ROBO3: variants seen among roughly 807,000 people sequenced by gnomAD.
ROBO3 encodes the protein roundabout guidance receptor 3, also known as roundabout homolog 3.
ROBO3 carries 97 observed loss-of-function variants against 160.5 expected under a neutral mutation model. That is an observed-to-expected ratio of 0.60 (90% CI 0.51 to 0.72). The LOEUF is 0.72. Among genes scored for constraint, ROBO3 ranks in the 30% least tolerant of loss-of-function variants. The pLI is 0.00. For synonymous variants in ROBO3, 780 were observed against 746.2 expected (o/e 1.05, Z -0.74); for missense variants, 1,858 against 1,846.5 (o/e 1.01, Z -0.11).
rs994997005 is a variant in ROBO3 at position 124,873,794 on chromosome 11, T to C, written c.1716T>C (p.Ile572=). 1 of 1,613,902 alleles carries C rather than the reference T, an allele frequency of 6.2e-7. No homozygotes were observed. The highest frequency in any genetic ancestry group is 8.5e-7 in the Non-Finnish European group (1 of 1,179,832). ...PVVTEITKNS[I]TLTWKPNPQT... is the part of the protein sequence containing the mutation. ...TCACTGAGATCACCAAGAACAGCAT[T>C]ACCCTGACCTGGAAGCCCAACCCAC... Residue 572 remains isoleucine, a synonymous_variant, in exon 11 of 28, where the codon ATT becomes ATC. Coordinates refer to ENST00000397801, the MANE Select transcript of ROBO3 (RefSeq NM_022370.4). The surrounding 1 kb of genome is among the most constrained non-coding windows in gnomAD (Gnocchi z 4.5).
Position 124,872,924 on chromosome 11 carries a change from A to C in ROBO3, c.1371A>C (p.Pro457=). The change falls in exon 9 of 28, where the codon CCA becomes CCC. Residue 457 remains proline, a synonymous_variant. Coordinates refer to ENST00000397801, the MANE Select transcript of ROBO3 (RefSeq NM_022370.4). This position sits in a 1 kb window ranked among gnomAD's most constrained non-coding sequence, Gnocchi z 4.3. ...TGCCTCCTGTCATCCTCCAGGGACC[A>C]GCCAATCAGACGCTGGTGCTTGGCT... ...DGLPPVILQG[P]ANQTLVLGSS... is the part of the protein sequence containing the mutation. 1 of 1,611,870 alleles carries C rather than the reference A, an allele frequency of 6.2e-7. No homozygotes were observed. The highest frequency in any genetic ancestry group is 8.5e-7 in the Non-Finnish European group (1 of 1,179,390).
intron 19 of ROBO3, 54 bp downstream of exon 19, chr11:124,877,363 C>A: frequency 6.2e-7 from 1 of 1,608,678 alleles, no homozygotes; most frequent in Non-Finnish European, 8.5e-7. Flanking sequence ...GGCCACTCTT[C>A]TTCCGCCCCG....
In ROBO3 at chr11:124,872,556, C is replaced by G. The variant is rs917055126; in HGVS notation, c.1330+4C>G. The G allele has an allele frequency of 1.9e-6, 3 of 1,612,132 alleles. No individual in the cohort carries two copies. Among genetic ancestry groups the G allele is most frequent in the Admixed American group, 3.3e-5 (2 of 59,970 alleles). On this transcript the variant is annotated splice_donor_region_variant and intron_variant, in intron 8 of 27. Transcript: ENST00000397801. The surrounding 1 kb of genome is among the most constrained non-coding windows in gnomAD (Gnocchi z 4.3). ...GCCCTGCTGGAGATAAAAGGAGGTA[C>G]GTGCCCATGGAGATAGGACTGGATC...
At chr11:124,880,811 T>C (rs779333746) in intron 27 of ROBO3, among the ~76,000 whole-genome samples, 4 of 152,114 alleles carry the variant, frequency 2.6e-5, no homozygotes, top group Non-Finnish European at 5.9e-5. Flanking sequence ...CCCAGCACTT[T>C]GGGAGACCGA....
In ROBO3 at chr11:124,870,391, A is replaced by G. The variant is rs544342218; in HGVS notation, c.905+88A>G. The G allele has an allele frequency of 6.1e-4, 927 of 1,514,418 alleles. 18 individuals carry two copies. In the South Asian group the frequency reaches 0.011, roughly 17 times the overall value. 93.8% of individuals were successfully genotyped at this position (1,514,418 alleles called of 1,614,324 possible). On this transcript the variant is annotated intron_variant, in intron 5 of 27. Coordinates refer to ENST00000397801, the MANE Select transcript of ROBO3 (RefSeq NM_022370.4). ...AAAACCGGAAGACAGGCACATTCTC[A>G]CTTGAGAACACAGAGAAGTCTGTTC...
rs2135335197 is a variant in ROBO3, at chr11:124,876,095, G to A, written c.2563G>A (p.Val855Met). The change falls in exon 16 of 28, where the codon GTG becomes ATG. Residue 855 changes from valine (V) to methionine (M), a missense_variant. Val to Met is a conservative substitution (Grantham distance 21, BLOSUM62 1). Transcript: ENST00000397801. The surrounding 1 kb of genome is among the most constrained non-coding windows in gnomAD (Gnocchi z 5.3). The stretch of plus-strand genomic sequence containing the variant: ...GGCGGCCACCAGCGCAGGCGTGGGC[G>A]TGCCCAGTGCCCCAGTGCTGGTGCA... ...VAAATSAGVG[V>M]PSAPVLVQLP... The A allele has an allele frequency of 6.2e-7, 1 of 1,606,764 alleles. No homozygotes were observed. Among genetic ancestry groups the A allele is most frequent in the Non-Finnish European group, 8.5e-7 (1 of 1,179,182 alleles).
chr11:124,867,844 A>T (rs1228447175), intron 1 of ROBO3, among the ~76,000 whole-genome samples: 1 of 152,134 alleles, frequency 6.6e-6, no homozygotes, highest in Non-Finnish European at 1.5e-5. Context: ...TGGTTATTTT[A>T]CAGCAGGTTA....
In ROBO3 at chr11:124,874,810, G is replaced by A; in HGVS notation, c.1974G>A (p.Val658=). Residue 658 remains valine, a synonymous_variant, in exon 13 of 28, where the codon GTG becomes GTA. Transcript: ENST00000397801. ...RTQDSSPSRP[V]EDPWRGQQGL... ...CAGATAGCAGCCCCTCTAGGCCAGT[G>A]GAGGACCCATGGAGAGGCCAGCAGG... is the stretch of plus-strand genomic sequence containing the variant. The A allele has an allele frequency of 6.2e-7, 1 of 1,606,030 alleles. No homozygotes were observed. Among genetic ancestry groups the A allele is most frequent in the Non-Finnish European group, 8.5e-7 (1 of 1,176,394 alleles).
chr11:124,875,073 GC>G (rs1565312699), intron 13 of ROBO3, 37 bp from the exon 14 acceptor site: 9 of 1,550,704 alleles, frequency 5.8e-6, no homozygotes, highest in Middle Eastern at 2.0e-4. Flanking sequence ...TATGGCCCCA[GC>G]CTCCCCTTCT....
chr11:124,876,819 G>A lies in ROBO3; in HGVS notation c.2780-342G>A. 1.8e-6 allele frequency: 1 copy of A among 541,938 alleles called. No homozygotes were observed. The highest frequency in any genetic ancestry group is 3.1e-5 in the East Asian group (1 of 32,780). The allele number at this position is 541,938 out of a possible 1,614,324, so 33.6% of individuals were successfully genotyped here. The stretch of plus-strand genomic sequence containing the variant: ...GGGGGTGTGGCCAGGATCCCAGGCA[G>A]TAAATTGTGCGGCGGGGTCTGGATG... On this transcript the variant is annotated intron_variant, in intron 17 of 27. Coordinates refer to ENST00000397801, the MANE Select transcript of ROBO3 (RefSeq NM_022370.4). The surrounding 1 kb of genome is among the most constrained non-coding windows in gnomAD (Gnocchi z 5.3).
Position 124,869,221 on chromosome 11 carries a change from A to G in ROBO3, c.487+93A>G. The G allele has an allele frequency of 7.6e-7, 1 of 1,322,704 alleles. No homozygotes were observed. The highest frequency in any genetic ancestry group is 1.0e-6 in the Non-Finnish European group (1 of 957,800). 81.9% of individuals were successfully genotyped at this position (1,322,704 alleles called of 1,614,324 possible). On this transcript the variant is annotated intron_variant, in intron 2 of 27. Transcript: ENST00000397801. This position sits in a 1 kb window ranked among gnomAD's most constrained non-coding sequence, Gnocchi z 4.2. ...TCAGACCCAGAACCAGCCCCAAAGG[A>G]CTTCAGCCCACTCAGCATCCTTCTT...
chr11:124,878,884 G>A lies in ROBO3; in HGVS notation c.3533+88G>A. ...ACTGGGTGGGTGGATGGATGGATGG[G>A]TGGATGGATCTGGGGTACAGAGGTC... On this transcript the variant is annotated intron_variant, in intron 23 of 27. Transcript: ENST00000397801. The surrounding 1 kb of genome is among the most constrained non-coding windows in gnomAD (Gnocchi z 4.3). The A allele has an allele frequency of 8.6e-7, 1 of 1,160,384 alleles. No homozygotes were observed. The highest frequency in any genetic ancestry group is 1.2e-6 in the Non-Finnish European group (1 of 808,638). 71.9% of individuals were successfully genotyped at this position (1,160,384 alleles called of 1,614,324 possible).
chr11:124,879,381 C>A (rs1330250854), intron 24 of ROBO3, 40 bp downstream of exon 24: 2 of 1,607,152 alleles, frequency 1.2e-6, no homozygotes, highest in South Asian at 1.1e-5. Context: ...CGGCTCCCTC[C>A]AGTGCTTGCT....
chr11:124,873,391 G>A lies in ROBO3; in HGVS notation c.1618G>A (p.Glu540Lys). ...ATWSGWLKMR[E>K]DWGVSPDPPT... ...ATGGAGCGGCTGGCTTAAGATGCGG[G>A]GTGAGTTTTTTCTTTCTTCCCTTAT... Residue 540 changes from glutamate (E) to lysine (K), a missense_variant and splice_region_variant, in exon 10 of 28, where the codon GAA (glutamate) becomes AAA (lysine). Coordinates refer to ENST00000397801, the MANE Select transcript of ROBO3 (RefSeq NM_022370.4). The surrounding 1 kb of genome is among the most constrained non-coding windows in gnomAD (Gnocchi z 4.5). The A allele has an allele frequency of 3.7e-6, 6 of 1,610,426 alleles. No individual in the cohort carries two copies. Among genetic ancestry groups the A allele is most frequent in the Non-Finnish European group, 5.1e-6 (6 of 1,178,492 alleles).
At chr11:124,877,071 C>A (rs374753498) in intron 17 of ROBO3, 90 bp from the exon 18 acceptor site, 1 of 1,430,380 alleles carries the variant, frequency 7.0e-7, no homozygotes, top group Non-Finnish European at 9.9e-7. Flanking sequence ...GGAACTGGGA[C>A]CGGGGCCTAG....
At position 124,878,246 on chromosome 11, in the gene ROBO3, C is replaced by T. The variant is rs547563251; in HGVS notation, c.3182-52C>T. 1.3e-5 allele frequency: 21 copies of T among 1,601,768 alleles called. No individual in the cohort carries two copies. The highest frequency in any genetic ancestry group is 1.2e-4 in the African/African-American group (9 of 74,834). On this transcript the variant is annotated intron_variant, in intron 21 of 27. Transcript: ENST00000397801. The surrounding 1 kb of genome is among the most constrained non-coding windows in gnomAD (Gnocchi z 4.3). Reference sequence around the variant, plus strand: ...GGCACTTCCTTCTGACCTGTCTCATCTCTGGCTCTTTCCTGCCTGTTCTCC... The same window carrying T: ...GGCACTTCCTTCTGACCTGTCTCATTTCTGGCTCTTTCCTGCCTGTTCTCC...
At position 124,879,536 on chromosome 11, in the gene ROBO3, C is replaced by T. The variant is rs1263240917; in HGVS notation, c.3757C>T (p.Pro1253Ser). 3.1e-6 allele frequency: 5 copies of T among 1,613,640 alleles called. No homozygotes were observed. In the East Asian group the frequency reaches 1.1e-4, roughly 36 times the overall value. ...QGPRARFRKKPKALPYRRENS... is the reference protein window; with the variant it reads ...QGPRARFRKKSKALPYRRENS... ...ACCCCGTGCTCGATTCCGGAAGAAACCCAAGGCTCTTCCCTACAGGAGGGA... is the reference window on the plus strand; with the variant it reads ...ACCCCGTGCTCGATTCCGGAAGAAATCCAAGGCTCTTCCCTACAGGAGGGA... The change falls in exon 25 of 28, where the codon CCC becomes TCC. Residue 1253 changes from proline (P) to serine (S), a missense_variant. Physicochemically the swap from Pro to Ser is moderately conservative, Grantham distance 74. Transcript: ENST00000397801.
chr11:124,865,806 G>T lies in ROBO3; in HGVS notation c.160+69G>T. ...TGAGGTGAGAGGGCGGCGTGGAAGG[G>T]AAGGAGAAGCGCTCCTGTCCCGAGG... On this transcript the variant is annotated intron_variant, in intron 1 of 27. Transcript: ENST00000397801. This position sits in a 1 kb window ranked among gnomAD's most constrained non-coding sequence, Gnocchi z 5.5. 1 of 1,480,902 alleles carries T rather than the reference G, an allele frequency of 6.8e-7. No homozygotes were observed. Among genetic ancestry groups the T allele is most frequent in the Non-Finnish European group, 9.0e-7 (1 of 1,106,366 alleles). 91.7% of individuals were successfully genotyped at this position (1,480,902 alleles called of 1,614,324 possible). A position where few individuals can be genotyped will look rare whatever the true frequency, so the allele number is the denominator to read the frequency against.
Position 124,876,498 on chromosome 11 carries a change from G to C in ROBO3, c.2779+38G>C. 1 of 1,350,994 alleles carries C rather than the reference G, an allele frequency of 7.4e-7. No homozygotes were observed. Among genetic ancestry groups the C allele is most frequent in the Middle Eastern group, 2.0e-4 (1 of 4,882 alleles). The allele number at this position is 1,350,994 out of a possible 1,614,324, so 83.7% of individuals were successfully genotyped here. A position where few individuals can be genotyped will look rare whatever the true frequency, so the allele number is the denominator to read the frequency against. On this transcript the variant is annotated intron_variant, in intron 17 of 27. Transcript: ENST00000397801. This position sits in a 1 kb window ranked among gnomAD's most constrained non-coding sequence, Gnocchi z 5.3. ...CCTCGGAGCGGACGGATCCGGGAGG[G>C]AGCCAGGCGGCCCATGGGGAGGGGC...
Sources: gnomAD v4.1 joint callset for allele counts (sites outside exome capture counted in the v4.1 genomes callset) on GRCh38, gnomAD v4.1.1 for gene constraint, Gnocchi (gnomAD v3.1) non-coding constraint, MANE v1.5 for transcripts, NCBI Gene and HGNC (gene_info 2026-07-23, HGNC 2026-07-21) for gene names.